HSD17B11: variants seen among roughly 807,000 people sequenced by gnomAD.
The protein encoded by HSD17B11 is estradiol 17-beta-dehydrogenase 11.
HSD17B11 carries 22 observed loss-of-function variants against 27.8 expected under a neutral mutation model. That is an observed-to-expected ratio of 0.79 (90% CI 0.56 to 1.13). HSD17B11 has a LOEUF of 1.13. HSD17B11 is among the 50% of genes most tolerant of loss of function. HSD17B11 has a pLI of 0.00. For synonymous variants in HSD17B11, 117 were observed against 132.8 expected (o/e 0.88, Z 0.82); for missense variants, 314 against 351.1 (o/e 0.89, Z 0.84).
intron 2 of HSD17B11, among the ~76,000 whole-genome samples, chr4:87,376,331 C>G (rs1427263366): frequency 6.6e-6 from 1 of 151,416 alleles, no homozygotes; most frequent in Non-Finnish European, 1.5e-5. Flanking sequence ...ATGGTGAAAC[C>G]CCATCTCTAC....
chr4:87,370,848 G>A (rs1329151134), intron 4 of HSD17B11, among the ~76,000 whole-genome samples: 4 of 112,384 alleles, frequency 3.6e-5, no homozygotes, highest in Non-Finnish European at 7.1e-5. Context: ...CGCCTCCCGG[G>A]TTCACGCCAT....
At chr4:87,378,905 AAT>A (rs1290386830) in intron 2 of HSD17B11, among the ~76,000 whole-genome samples, 146 of 12,162 alleles carry the variant, frequency 0.012, 3 homozygotes, top group Non-Finnish European at 0.014. Context: ...AATATATATA[AAT>A]ATATATATAT....
At chr4:87,375,654 T>A (rs1483354923) in intron 2 of HSD17B11, among the ~76,000 whole-genome samples, 2 of 152,164 alleles carry the variant, frequency 1.3e-5, no homozygotes, top group African/African-American at 2.4e-5. Flanking sequence ...GGCAGGAGAA[T>A]CGCTTGAACC....
chr4:87,391,031 G>A lies in HSD17B11; in HGVS notation c.40C>T (p.Leu14=). ...AAGGACTCTAGGGAGCAGACGATCA[G>A]TAACGGGAGAAGCAGGAGGATGTCC... ...LLDILLLLPL[L]IVCSLESFVK... The change falls in exon 1 of 7, where the codon CTG becomes TTG. Residue 14 remains leucine (L), a synonymous_variant. Coordinates refer to ENST00000358290, the MANE Select transcript of HSD17B11 (RefSeq NM_016245.5). The A allele has an allele frequency of 3.1e-6, 5 of 1,613,800 alleles. No individual in the cohort carries two copies. Among genetic ancestry groups the A allele is most frequent in the Non-Finnish European group, 4.2e-6 (5 of 1,179,978 alleles).
chr4:87,363,745 C>A (rs765587694), intron 4 of HSD17B11, among the ~76,000 whole-genome samples: 2 of 152,200 alleles, frequency 1.3e-5, no homozygotes, highest in African/African-American at 4.8e-5. Context: ...ATAGACACTG[C>A]CCAGACCTGT....
chr4:87,377,184 G>A (rs1735845526), intron 2 of HSD17B11, among the ~76,000 whole-genome samples: 3 of 151,942 alleles, frequency 2.0e-5, no homozygotes. Context: ...GGGCACAGTG[G>A]CTCACACCTG....
Position 87,370,972 on chromosome 4 carries a change from T to TA in HSD17B11, c.557+1736_557+1737insT, listed in dbSNP as rs1295157800. On this transcript the variant is annotated intron_variant, in intron 4 of 6. Transcript: ENST00000358290. ...TTTCACCGTGTTAGCCAGGATGGTCTCGATCTCCTGACCTCGTGATCCGCC... is the reference window on the plus strand; with the variant it reads ...TTTCACCGTGTTAGCCAGGATGGTCTACGATCTCCTGACCTCGTGATCCGCC... Among the ~76,000 whole-genome samples the TA allele has an allele frequency of 3.1e-5, 4 of 127,878 alleles. 1 individual carries two copies. In the South Asian group the frequency reaches 6.7e-4, roughly 22 times the overall value. 83.9% of individuals were successfully genotyped at this position (127,878 alleles called of 152,430 possible).
At chr4:87,340,715 T>A (rs1056575621) in intron 5 of HSD17B11, 109 bp from the exon 6 acceptor site, 1 of 682,090 alleles carries the variant, frequency 1.5e-6, no homozygotes, top group East Asian at 2.5e-5. Flanking sequence ...ACATAACTGA[T>A]TTGTAGTGTC....
Position 87,391,090 on chromosome 4 carries a change from GT to G in HSD17B11, c.-21del, listed in dbSNP as rs1720448417. On this transcript the variant is annotated 5_prime_UTR_variant, in exon 1 of 7. Transcript: ENST00000358290. ...TTTCATCCCTTTTGTGGCTGCGAGCGTTTGGTGTGTTTTTTTTTTTTTTTAC... is the reference window on the plus strand; with the variant it reads ...TTTCATCCCTTTTGTGGCTGCGAGCGTTGGTGTGTTTTTTTTTTTTTTTAC... The G allele has an allele frequency of 2.0e-6, 3 of 1,512,218 alleles. No individual in the cohort carries two copies. The highest frequency in any genetic ancestry group is 2.7e-6 in the Non-Finnish European group (3 of 1,125,326). 93.7% of individuals were successfully genotyped at this position (1,512,218 alleles called of 1,614,324 possible). A position where few individuals can be genotyped will look rare whatever the true frequency, so the allele number is the denominator to read the frequency against.
chr4:87,367,981 A>T (rs1053972031), intron 4 of HSD17B11, among the ~76,000 whole-genome samples: 16 of 152,336 alleles, frequency 1.1e-4, no homozygotes, highest in South Asian at 6.2e-4. Flanking sequence ...ATGTTTTCTT[A>T]AACTAAATAC....
intron 3 of HSD17B11, 62 bp from the exon 4 acceptor site, chr4:87,372,877 G>A (rs113865377): frequency 4.1e-6 from 4 of 975,078 alleles, no homozygotes; most frequent in African/African-American, 1.7e-5. Context: ...GACCTATTGG[G>A]AATATTTTGA....
At position 87,376,460 on chromosome 4, in the gene HSD17B11, G is replaced by A. The variant is rs185602217; in HGVS notation, c.319-1630C>T. On this transcript the variant is annotated intron_variant, in intron 2 of 6. Transcript: ENST00000358290. ...GCGGAGGTTGCAGTGAGCTGAGATCGTGCCACTGTGCTGCAGCCTGGGTGA... is the reference window on the plus strand; with the variant it reads ...GCGGAGGTTGCAGTGAGCTGAGATCATGCCACTGTGCTGCAGCCTGGGTGA... 2.2e-3 allele frequency among the ~76,000 whole-genome samples: 317 copies of A among 142,352 alleles called. 3 individuals are homozygous for A. Among genetic ancestry groups the A allele is most frequent in the African/African-American group, 7.7e-3 (295 of 38,288 alleles). The allele number at this position is 142,352 out of a possible 152,430, so 93.4% of individuals were successfully genotyped here.
In HSD17B11 at chr4:87,337,243, A is replaced by G; in HGVS notation, c.*33T>C. The G allele has an allele frequency of 2.3e-6, 3 of 1,323,572 alleles. No individual in the cohort carries two copies. The African/African-American group carries it at 4.3e-5, about 19-fold the overall frequency. The allele number at this position is 1,323,572 out of a possible 1,614,324, so 82.0% of individuals were successfully genotyped here. On this transcript the variant is annotated 3_prime_UTR_variant, in exon 7 of 7. Transcript: ENST00000358290. ...GCACTATTAGATGACATCAACCTAA[A>G]CCTGGTAAATCAGTTTTCAGAAAAC...
chr4:87,338,259 C>A (rs572139790), intron 6 of HSD17B11, among the ~76,000 whole-genome samples: 1 of 152,248 alleles, frequency 6.6e-6, no homozygotes, highest in African/African-American at 2.4e-5. Flanking sequence ...GTGACGGACA[C>A]TAGCAGGTCT....
At chr4:87,345,347 G>A (rs1735250973) in intron 5 of HSD17B11, 1 of 151,830 alleles carries the variant, frequency 6.6e-6, no homozygotes, top group Admixed American at 6.6e-5. Context: ...AGCTGCAAAT[G>A]CCTGCATTAA....
chr4:87,367,935 T>C (rs1239602641), intron 4 of HSD17B11, among the ~76,000 whole-genome samples: 3 of 152,232 alleles, frequency 2.0e-5, no homozygotes, highest in South Asian at 2.1e-4. Context: ...ATTGCTGTTA[T>C]ACCCTTTGTG....
intron 5 of HSD17B11, among the ~76,000 whole-genome samples, chr4:87,344,799 G>A (rs538590543): frequency 6.6e-6 from 1 of 152,282 alleles, no homozygotes; most frequent in Admixed American, 6.5e-5. Context: ...TACAAACTAT[G>A]TTCTCTGACT....
Position 87,391,136 on chromosome 4 carries a change from A to T in HSD17B11, c.-66T>A. On this transcript the variant is annotated 5_prime_UTR_variant, in exon 1 of 7. Coordinates refer to ENST00000358290, the MANE Select transcript of HSD17B11 (RefSeq NM_016245.5). The stretch of plus-strand genomic sequence containing the variant: ...TTTTACCACTCTAAACTGCTTTTAG[A>T]GGGTAGCTCGATCTAACACCAGAAA... 8.0e-7 allele frequency: 1 copy of T among 1,242,352 alleles called. No individual in the cohort carries two copies. Among genetic ancestry groups the T allele is most frequent in the Non-Finnish European group, 1.1e-6 (1 of 890,980 alleles). 77.0% of individuals were successfully genotyped at this position (1,242,352 alleles called of 1,614,324 possible).
At chr4:87,381,265 T>C (rs182481136) in intron 2 of HSD17B11, among the ~76,000 whole-genome samples, 1 of 151,894 alleles carries the variant, frequency 6.6e-6, no homozygotes, top group Admixed American at 6.6e-5. Context: ...TGAATCACAC[T>C]TTTTATACTG....
Sources: allele counts gnomAD v4.1 joint callset (sites outside exome capture counted in the v4.1 genomes callset), GRCh38; gene constraint gnomAD v4.1.1; transcripts MANE v1.5; gene names NCBI Gene and HGNC (gene_info 2026-07-23, HGNC 2026-07-21).